WDR59: variants seen among roughly 807,000 people sequenced by gnomAD.
WDR59 encodes GATOR2 complex protein WDR59.
A neutral mutation model predicts 131.2 loss-of-function variants in WDR59; 100 were observed. That is an observed-to-expected ratio of 0.76 (90% CI 0.65 to 0.90). The LOEUF (loss-of-function observed/expected upper bound fraction) is 0.90. Among genes scored for constraint, WDR59 ranks in the 40% least tolerant of loss-of-function variants. The pLI is 0.00. For missense variants in WDR59, 1,203 were observed against 1,262.2 expected (o/e 0.95, Z 0.71); for synonymous variants, 601 against 466.2 (o/e 1.29, Z -3.72).
chr16:74,889,625 A>T, intron 21 of WDR59, 78 bp downstream of exon 21: 1 of 1,109,352 alleles, frequency 9.0e-7, no homozygotes, highest in Non-Finnish European at 1.3e-6. Context: ...CCTTTCTCTT[A>T]GGTGGTGACA....
At chr16:74,949,101 C>A (rs1283656318) in intron 5 of WDR59, among the ~76,000 whole-genome samples, 1 of 152,036 alleles carries the variant, frequency 6.6e-6, no homozygotes, top group Non-Finnish European at 1.5e-5. Flanking sequence ...GGAAGGACTG[C>A]TTGAGGCCAG....
chr16:74,906,061 T>C (rs1259324309), intron 17 of WDR59, among the ~76,000 whole-genome samples: 3 of 151,592 alleles, frequency 2.0e-5, no homozygotes, highest in Non-Finnish European at 4.4e-5. Flanking sequence ...ACGCCTGTAA[T>C]CCCAGCACTT....
chr16:74,980,455 G>A (rs2034357076), intron 1 of WDR59, among the ~76,000 whole-genome samples: 1 of 148,218 alleles, frequency 6.7e-6, no homozygotes, highest in Non-Finnish European at 1.5e-5. Context: ...CCAGGTTCAA[G>A]TGACTCTCCT....
rs1333181536 is a variant in WDR59, at chr16:74,948,481, C to G, written c.445+38G>C. 1.9e-6 allele frequency: 3 copies of G among 1,600,252 alleles called. No homozygotes were observed. In the East Asian group the frequency reaches 6.7e-5, roughly 36 times the overall value. ...TGGAAGGAAGAAAATGAAGACAAAC[C>G]AAGGCGCCAGGGTGAGGTGGGAGAA... On this transcript the variant is annotated intron_variant, in intron 6 of 25. Coordinates refer to ENST00000262144, the MANE Select transcript of WDR59 (RefSeq NM_030581.4).
At chr16:74,912,409 G>A (rs377506178) in intron 13 of WDR59, 47 bp from the exon 14 acceptor site, 163 of 1,580,462 alleles carry the variant, frequency 1.0e-4, no homozygotes, top group Middle Eastern at 8.9e-4. Context: ...ACCATAAAGC[G>A]TCTTTCGATG....
Position 74,909,494 on chromosome 16 carries a change from G to C in WDR59, c.1642+7C>G. On this transcript the variant is annotated splice_region_variant and intron_variant, in intron 16 of 25. Coordinates refer to ENST00000262144, the MANE Select transcript of WDR59 (RefSeq NM_030581.4). Reference sequence around the variant, plus strand: ...AAATCTAGAATCAAAGAACCAAAGAGACCCACCTGCTCCGCAGAACCTGGC... The same window carrying C: ...AAATCTAGAATCAAAGAACCAAAGACACCCACCTGCTCCGCAGAACCTGGC... 6.5e-7 allele frequency: 1 copy of C among 1,546,282 alleles called. No individual in the cohort carries two copies. The highest frequency in any genetic ancestry group is 8.7e-7 in the Non-Finnish European group (1 of 1,150,040).
At chr16:74,921,924 G>T (rs1217099270) in intron 10 of WDR59, 23 bp downstream of exon 10, 1 of 1,609,778 alleles carries the variant, frequency 6.2e-7, no homozygotes, top group Non-Finnish European at 8.5e-7. Flanking sequence ...AAGGAAAGTG[G>T]GCAGCAGGCC....
intron 18 of WDR59, chr16:74,899,765 A>T (rs1006815807): frequency 1.8e-5 from 23 of 1,289,012 alleles, no homozygotes; most frequent in Non-Finnish European, 2.3e-5. Flanking sequence ...CTGTGCATGA[A>T]AACGTTACAC....
chr16:74,883,299 A>G (rs1964602143), intron 25 of WDR59, among the ~76,000 whole-genome samples: 1 of 152,038 alleles, frequency 6.6e-6, no homozygotes, highest in African/African-American at 2.4e-5. Context: ...CTGGGATTAC[A>G]GGCGTGAGTC....
In WDR59 at chr16:74,978,941, G is replaced by A. The variant is rs76461595; in HGVS notation, c.54+6023C>T. On this transcript the variant is annotated intron_variant, in intron 1 of 25. Transcript: ENST00000262144. ...TCTGCAGTTCTTCTCTTCAACACAG[G>A]AGTCATCCACTGCAGCACTTTTGCA... The A allele has an allele frequency of 9.2e-5, 14 of 152,222 alleles. No individual in the cohort carries two copies. In the East Asian group the frequency reaches 2.5e-3, roughly 27 times the overall value. The allele number at this position is 152,222 out of a possible 1,614,324, so 9.4% of individuals were successfully genotyped here.
intron 25 of WDR59, among the ~76,000 whole-genome samples, chr16:74,883,541 G>C (rs773318091): frequency 2.6e-5 from 4 of 152,186 alleles, no homozygotes; most frequent in Non-Finnish European, 5.9e-5. Flanking sequence ...GCTCTGTACA[G>C]ACATTTTGGT....
At chr16:74,900,157 T>C (rs1337125678) in intron 18 of WDR59, among the ~76,000 whole-genome samples, 1 of 152,192 alleles carries the variant, frequency 6.6e-6, no homozygotes, top group Non-Finnish European at 1.5e-5. Flanking sequence ...AAGGAGAACA[T>C]ATATTGAGAG....
At position 74,981,384 on chromosome 16, in the gene WDR59, AAC is replaced by A. The variant is rs1555506894; in HGVS notation, c.54+3578_54+3579del. On this transcript the variant is annotated intron_variant, in intron 1 of 25. Coordinates refer to ENST00000262144, the MANE Select transcript of WDR59 (RefSeq NM_030581.4). ...GAGAGAGACTCTGTCTCAAAAAAAA[AAC>A]AAAAAAAACACACACACACAAAATT... 1.0e-4 allele frequency among the ~76,000 whole-genome samples: 15 copies of A among 147,856 alleles called. No individual in the cohort carries two copies. In the East Asian group the frequency reaches 3.0e-3, roughly 29 times the overall value.
Position 74,888,304 on chromosome 16 carries a change from G to C in WDR59, c.2211C>G (p.Cys737Trp). ...CCAGTGTCTGAACATCCCGGAGCCGGCAATAGTGAGCCAACCTGAGGAAAA... is the reference window on the plus strand; with the variant it reads ...CCAGTGTCTGAACATCCCGGAGCCGCCAATAGTGAGCCAACCTGAGGAAAA... ...QLLESLLAHY[C>W]RLRDVQTLAM... The change falls in exon 22 of 26, where the codon TGC becomes TGG. Residue 737 changes from cysteine (C) to tryptophan (W), a missense_variant. Physicochemically the swap from Cys to Trp is radical, Grantham distance 215. Coordinates refer to ENST00000262144, the MANE Select transcript of WDR59 (RefSeq NM_030581.4). 6.2e-7 allele frequency: 1 copy of C among 1,612,942 alleles called. No homozygotes were observed. Among genetic ancestry groups the C allele is most frequent in the East Asian group, 2.2e-5 (1 of 44,860 alleles).
At chr16:74,889,034 G>A (rs1362121343) in intron 21 of WDR59, among the ~76,000 whole-genome samples, 1 of 152,190 alleles carries the variant, frequency 6.6e-6, no homozygotes, top group Non-Finnish European at 1.5e-5. Context: ...AATAAGTAGA[G>A]TAAACCTTAT....
At chr16:74,942,687 C>G (rs756765659) in intron 7 of WDR59, 51 bp downstream of exon 7, 2 of 1,580,886 alleles carry the variant, frequency 1.3e-6, no homozygotes, top group Non-Finnish European at 8.7e-7. Context: ...CATCTTCACA[C>G]CCTCTGGGAG....
intron 25 of WDR59, among the ~76,000 whole-genome samples, chr16:74,883,206 G>A (rs1487167433): frequency 6.6e-6 from 1 of 151,732 alleles, no homozygotes; most frequent in Non-Finnish European, 1.5e-5. Flanking sequence ...TGTATTTTTA[G>A]TAGAGATGGG....
intron 25 of WDR59, among the ~76,000 whole-genome samples, chr16:74,877,714 T>C (rs565531071): frequency 4.6e-5 from 7 of 152,220 alleles, no homozygotes; most frequent in African/African-American, 1.7e-4. Context: ...CCGGCTAATT[T>C]CTGTATTTTT....
intron 6 of WDR59, among the ~76,000 whole-genome samples, chr16:74,946,163 A>G (rs563094309): frequency 1.1e-3 from 166 of 152,188 alleles, no homozygotes; most frequent in African/African-American, 3.6e-3. Flanking sequence ...GTTCTATTTT[A>G]TTATTATTAG....
Sources: gnomAD v4.1 joint callset for allele counts (sites outside exome capture counted in the v4.1 genomes callset) on GRCh38, gnomAD v4.1.1 for gene constraint, MANE v1.5 for transcripts, NCBI Gene and HGNC (gene_info 2026-07-23, HGNC 2026-07-21) for gene names.